The following ALG5 variants were observed in gnomAD, a reference collection of about 807,000 sequenced individuals.
The protein encoded by ALG5 is ALG5 dolichyl-phosphate beta-glucosyltransferase.
A neutral mutation model predicts 51.8 loss-of-function variants in ALG5; 26 were observed. The observed-to-expected ratio is 0.50, with a 90% CI of 0.37 to 0.70. The LOEUF (loss-of-function observed/expected upper bound fraction) is 0.70, where lower values mean the gene tolerates loss of function less well. ALG5 is among the 30% of genes least tolerant of loss of function. ALG5 has a pLI of 0.00. For missense variants in ALG5, 311 were observed against 399.3 expected (o/e 0.78, Z 1.88); for synonymous variants, 141 against 136.1 (o/e 1.04, Z -0.25).
intron 8 of ALG5, among the ~76,000 whole-genome samples, chr13:36,965,189 T>C (rs1382772022): frequency 6.6e-6 from 1 of 152,050 alleles, no homozygotes; most frequent in Non-Finnish European, 1.5e-5. Context: ...TGGAAGGAGA[T>C]GTAGAGGTCA....
In ALG5 at chr13:36,965,835, T is replaced by G. The variant is rs1301852896; in HGVS notation, c.622-109A>C. The G allele has an allele frequency of 6.8e-5, 62 of 914,816 alleles. 2 individuals are homozygous for G. Among genetic ancestry groups the G allele is most frequent in the South Asian group, 1.3e-4 (7 of 55,126 alleles). The allele number at this position is 914,816 out of a possible 1,614,324, so 56.7% of individuals were successfully genotyped here. The stretch of plus-strand genomic sequence containing the variant: ...TTTTAATATTTAATTGACTGGTAGA[T>G]CTTACATAAGAACACCACTGTTCCA... On this transcript the variant is annotated intron_variant, in intron 7 of 9. Coordinates refer to ENST00000239891, the MANE Select transcript of ALG5 (RefSeq NM_013338.5).
intron 8 of ALG5, among the ~76,000 whole-genome samples, chr13:36,957,023 G>A (rs758626331): frequency 1.8e-4 from 27 of 151,978 alleles, no homozygotes; most frequent in Non-Finnish European, 2.8e-4. Context: ...AGCCACCGAA[G>A]AAGGAAAAAT....
intron 6 of ALG5, among the ~76,000 whole-genome samples, chr13:36,973,231 T>C (rs2058934728): frequency 6.6e-6 from 1 of 151,874 alleles, no homozygotes; most frequent in Non-Finnish European, 1.5e-5. Flanking sequence ...TTAAAAAATA[T>C]ATGATAAAGC....
intron 6 of ALG5, among the ~76,000 whole-genome samples, chr13:36,977,256 G>T (rs75143496): frequency 6.6e-6 from 1 of 152,210 alleles, no homozygotes; most frequent in African/African-American, 2.4e-5. Flanking sequence ...GTTAGAAAAT[G>T]TCTGTAGACA....
intron 8 of ALG5, among the ~76,000 whole-genome samples, chr13:36,964,330 C>A (rs1336054522): frequency 6.6e-6 from 1 of 152,078 alleles, no homozygotes; most frequent in East Asian, 1.9e-4. Context: ...CTTAAGTTTG[C>A]AAAGACCTTG....
At chr13:36,988,300 A>T (rs537698483) in intron 5 of ALG5, among the ~76,000 whole-genome samples, 1 of 152,252 alleles carries the variant, frequency 6.6e-6, no homozygotes, top group African/African-American at 2.4e-5. Flanking sequence ...ATGAAAATAC[A>T]ACATTGGCTG....
chr13:36,991,008 T>C (rs1343301742), intron 4 of ALG5, among the ~76,000 whole-genome samples: 1 of 152,216 alleles, frequency 6.6e-6, no homozygotes, highest in East Asian at 1.9e-4. Context: ...TCAAACACCC[T>C]CAGTGATGAC....
In ALG5 at chr13:36,952,608, G is replaced by A. The variant is rs755845479; in HGVS notation, c.774-9C>T. 25 of 1,488,662 alleles carry A rather than the reference G, an allele frequency of 1.7e-5. No individual in the cohort carries two copies. The African/African-American group carries it at 3.5e-4, about 21-fold the overall frequency. 92.2% of individuals were successfully genotyped at this position (1,488,662 alleles called of 1,614,324 possible). On this transcript the variant is annotated splice_polypyrimidine_tract_variant and intron_variant, in intron 8 of 9. Coordinates refer to ENST00000239891, the MANE Select transcript of ALG5 (RefSeq NM_013338.5). ...GTTCTACATCAAATGCCCTAAAATA[G>A]AAAATATATTGATATTTATTTTTAA... is the stretch of plus-strand genomic sequence containing the variant.
intron 9 of ALG5, among the ~76,000 whole-genome samples, chr13:36,951,543 T>C (rs767496271): frequency 6.6e-6 from 1 of 152,256 alleles, no homozygotes; most frequent in Non-Finnish European, 1.5e-5. Context: ...CTCCAGTTGA[T>C]TATGTTAACT....
intron 5 of ALG5, among the ~76,000 whole-genome samples, chr13:36,987,991 A>T (rs1343978368): frequency 2.6e-5 from 4 of 152,110 alleles, no homozygotes; most frequent in African/African-American, 9.7e-5. Context: ...GGGTACCATG[A>T]GTGGGTCCTT....
intron 6 of ALG5, among the ~76,000 whole-genome samples, chr13:36,980,957 C>A (rs1486859277): frequency 6.6e-6 from 1 of 152,056 alleles, no homozygotes; most frequent in African/African-American, 2.4e-5. Context: ...CCAGGTGACA[C>A]AGGGAGACCC....
At chr13:36,956,873 C>T (rs371721445) in intron 8 of ALG5, among the ~76,000 whole-genome samples, 6 of 151,978 alleles carry the variant, frequency 3.9e-5, no homozygotes, top group Non-Finnish European at 8.8e-5. Context: ...AGCTACAAGG[C>T]GGGACCCTCC....
In ALG5 at chr13:36,962,332, T is replaced by C. The variant is rs1377792326; in HGVS notation, c.773+3243A>G. Reference sequence around the variant, plus strand: ...ACAAAGATGTTTAAATAAAAACCACTGATGACGTATTATTGTGGTGAAGGG... The same window carrying C: ...ACAAAGATGTTTAAATAAAAACCACCGATGACGTATTATTGTGGTGAAGGG... On this transcript the variant is annotated intron_variant, in intron 8 of 9. Transcript: ENST00000239891. Among the ~76,000 whole-genome samples, 3 of 152,350 alleles carry C rather than the reference T, an allele frequency of 2.0e-5. No individual in the cohort carries two copies. In the East Asian group the frequency reaches 5.8e-4, roughly 29 times the overall value.
At chr13:36,992,233 T>G (rs1440347683) in intron 4 of ALG5, among the ~76,000 whole-genome samples, 1 of 152,232 alleles carries the variant, frequency 6.6e-6, no homozygotes, top group Non-Finnish European at 1.5e-5. Flanking sequence ...TATTAATAGA[T>G]GTGAACTCCT....
At chr13:36,984,390 T>C (rs1369628247) in intron 6 of ALG5, among the ~76,000 whole-genome samples, 1 of 152,172 alleles carries the variant, frequency 6.6e-6, no homozygotes, top group Non-Finnish European at 1.5e-5. Flanking sequence ...CATGTAAACC[T>C]GGCCTGTAAT....
chr13:36,973,927 C>T (rs1209329503), intron 6 of ALG5, among the ~76,000 whole-genome samples: 1 of 152,168 alleles, frequency 6.6e-6, no homozygotes, highest in Non-Finnish European at 1.5e-5. Context: ...CAATTTGAAA[C>T]GTTATCAAAA....
chr13:36,954,392 A>C (rs999206342), intron 8 of ALG5, among the ~76,000 whole-genome samples: 2 of 152,068 alleles, frequency 1.3e-5, no homozygotes, highest in African/African-American at 4.8e-5. Flanking sequence ...AAGAGGTTTC[A>C]TTATGTATCC....
rs761864874 is a variant in ALG5 at position 36,950,029 on chromosome 13, C to A, written c.888G>T (p.Trp296Cys). The A allele has an allele frequency of 6.2e-7, 1 of 1,611,902 alleles. No homozygotes were observed. Among genetic ancestry groups the A allele is most frequent in the Non-Finnish European group, 8.5e-7 (1 of 1,179,088 alleles). ...AAAGTAGGTCTTTACCCATTTGTAGCCAGCTCCAGAATGGAACTAATTTAG... is the reference window on the plus strand; with the variant it reads ...AAAGTAGGTCTTTACCCATTTGTAGACAGCTCCAGAATGGAACTAATTTAG... ...EGSKLVPFWSWLQMGKDLLFI... is the reference protein window; with the variant it reads ...EGSKLVPFWSCLQMGKDLLFI... Residue 296 changes from tryptophan to cysteine, a missense_variant, in exon 10 of 10, where the codon TGG becomes TGT. Trp to Cys is a radical substitution (Grantham distance 215, BLOSUM62 -2). Transcript: ENST00000239891.
At chr13:36,962,448 G>C (rs1354713616) in intron 8 of ALG5, among the ~76,000 whole-genome samples, 2 of 152,140 alleles carry the variant, frequency 1.3e-5, no homozygotes, top group Non-Finnish European at 2.9e-5. Flanking sequence ...AAAAATGTGA[G>C]CAGTTAAAAT....
Sources: allele counts gnomAD v4.1 joint callset (sites outside exome capture counted in the v4.1 genomes callset), GRCh38; gene constraint gnomAD v4.1.1; transcripts MANE v1.5; gene names NCBI Gene and HGNC (gene_info 2026-07-23, HGNC 2026-07-21).